SLC5A3: variants seen among roughly 807,000 people sequenced by gnomAD.
SLC5A3 encodes sodium/myo-inositol cotransporter.
In SLC5A3, 10 loss-of-function variants were observed where a neutral mutation model predicts 43.2. The observed-to-expected ratio is 0.23, with a 90% CI of 0.14 to 0.39. The LOEUF (loss-of-function observed/expected upper bound fraction) is 0.39, where lower values mean the gene tolerates loss of function less well. Ranked by LOEUF, SLC5A3 falls within the 10% of genes least tolerant of loss-of-function variation. The pLI, the probability that SLC5A3 is intolerant of heterozygous loss-of-function variation, is 1.00. For synonymous variants in SLC5A3, 349 were observed against 322.0 expected, an observed-to-expected ratio of 1.08 and a Z score of -0.90; for missense variants, 608 against 893.4, an observed-to-expected ratio of 0.68 and a Z score of 4.07.
intron 1 of SLC5A3, among the ~76,000 whole-genome samples, 181 bp downstream of exon 1, chr21:34,073,926 C>T (rs1390171460): frequency 2.1e-5 from 3 of 145,248 alleles, no homozygotes. Flanking sequence ...GCCGGCCGGG[C>T]CCGGCCGCGT....
chr21:34,093,046 G>A (rs933531145), intron 1 of SLC5A3, among the ~76,000 whole-genome samples: 2 of 152,044 alleles, frequency 1.3e-5, no homozygotes, highest in Admixed American at 6.6e-5. Flanking sequence ...AACATTTAAC[G>A]ATACCTTTTT....
At chr21:34,093,974 C>G (rs764367642) in intron 1 of SLC5A3, among the ~76,000 whole-genome samples, 12 of 152,172 alleles carry the variant, frequency 7.9e-5, no homozygotes, top group Non-Finnish European at 1.8e-4. Flanking sequence ...CCTCTTTTCT[C>G]TGCTTCTTAT....
chr21:34,101,261 T>G lies in SLC5A3; in HGVS notation c.*3906T>G. ...ATTAGATTTAGAGCTTGAAGCACCT[T>G]GGCTCTCAGCTACTTTAAACTCCTC... is the stretch of plus-strand genomic sequence containing the variant. On this transcript the variant is annotated 3_prime_UTR_variant, in exon 2 of 2. Coordinates refer to ENST00000381151, the MANE Select transcript of SLC5A3 (RefSeq NM_006933.7). 1 of 1,000,210 alleles carries G rather than the reference T, an allele frequency of 1.0e-6. No homozygotes were observed. The highest frequency in any genetic ancestry group is 1.2e-6 in the Non-Finnish European group (1 of 829,950). The allele number at this position is 1,000,210 out of a possible 1,614,324, so 62.0% of individuals were successfully genotyped here. A position where few individuals can be genotyped will look rare whatever the true frequency, so the allele number is the denominator to read the frequency against.
In SLC5A3 at chr21:34,095,448, T is replaced by C. The variant is rs73196582; in HGVS notation, c.250T>C (p.Phe84Leu). ...ASGFAVGAWE[F>L]NALLLLQLLG... ...TGGATTTGCAGTGGGCGCATGGGAATTCAATGCCTTACTGCTTTTACAACT... is the reference window on the plus strand; with the variant it reads ...TGGATTTGCAGTGGGCGCATGGGAACTCAATGCCTTACTGCTTTTACAACT... Residue 84 changes from phenylalanine to leucine, a missense_variant, in exon 2 of 2, where the codon TTC (phenylalanine) becomes CTC (leucine). By Grantham distance (22) the Phe-to-Leu change is conservative (BLOSUM62 0). This residue lies in a region of SLC5A3 where 398 missense variants were observed against 668.6 expected (regional missense o/e 0.60). Transcript: ENST00000381151. The C allele has an allele frequency of 6.2e-7, 1 of 1,614,134 alleles. No individual in the cohort carries two copies. Among genetic ancestry groups the C allele is most frequent in the Non-Finnish European group, 8.5e-7 (1 of 1,179,990 alleles).
At chr21:34,089,695 G>C (rs1978582065) in intron 1 of SLC5A3, among the ~76,000 whole-genome samples, 1 of 152,154 alleles carries the variant, frequency 6.6e-6, no homozygotes. Context: ...TAAAAGTAGA[G>C]CTGTTCTGGT....
At position 34,102,121 on chromosome 21, in the gene SLC5A3, C is replaced by A; in HGVS notation, c.*4766C>A. The A allele has an allele frequency of 1.0e-6, 1 of 1,000,110 alleles. No individual in the cohort carries two copies. The highest frequency in any genetic ancestry group is 1.2e-6 in the Non-Finnish European group (1 of 829,886). 62.0% of individuals were successfully genotyped at this position (1,000,110 alleles called of 1,614,324 possible). A position where few individuals can be genotyped will look rare whatever the true frequency, so the allele number is the denominator to read the frequency against. On this transcript the variant is annotated 3_prime_UTR_variant, in exon 2 of 2. Transcript: ENST00000381151. ...AAATCTTTTTCTTCTGTCAAGGTCA[C>A]TTAATATGGAATGTTTTTGTCAGAC...
At position 34,100,836 on chromosome 21, in the gene SLC5A3, A is replaced by G. The variant is rs1451147990; in HGVS notation, c.*3481A>G. On this transcript the variant is annotated 3_prime_UTR_variant, in exon 2 of 2. Coordinates refer to ENST00000381151, the MANE Select transcript of SLC5A3 (RefSeq NM_006933.7). ...TATCATTTGGTGTGGCCTGTGGGTT[A>G]TTTTCATTCTTTACCACCAAATAAA... The G allele has an allele frequency of 1.0e-6, 1 of 1,000,038 alleles. No homozygotes were observed. 61.9% of individuals were successfully genotyped at this position (1,000,038 alleles called of 1,614,324 possible). A position where few individuals can be genotyped will look rare whatever the true frequency, so the allele number is the denominator to read the frequency against.
rs369327327 is a variant in SLC5A3, at chr21:34,098,802, G to A, written c.*1447G>A. On this transcript the variant is annotated 3_prime_UTR_variant, in exon 2 of 2. Transcript: ENST00000381151. ...GTTAGAGAAAAGCTCTACAGATTACGTACTTCTGTGTCTTCGTATGCTCAA... is the reference window on the plus strand; with the variant it reads ...GTTAGAGAAAAGCTCTACAGATTACATACTTCTGTGTCTTCGTATGCTCAA... 1.7e-5 allele frequency: 17 copies of A among 999,586 alleles called. No homozygotes were observed. Among genetic ancestry groups the A allele is most frequent in the African/African-American group, 1.6e-4 (9 of 57,224 alleles). 61.9% of individuals were successfully genotyped at this position (999,586 alleles called of 1,614,324 possible). A position where few individuals can be genotyped will look rare whatever the true frequency, so the allele number is the denominator to read the frequency against.
At position 34,106,085 on chromosome 21, in the gene SLC5A3, G is replaced by C; in HGVS notation, c.*8730G>C. On this transcript the variant is annotated 3_prime_UTR_variant, in exon 2 of 2. Transcript: ENST00000381151. The stretch of plus-strand genomic sequence containing the variant: ...ATACACTGTTCTTTGTGTACTGTGT[G>C]TTATTTTGCCAGCTGCTGCATTAGC... The C allele has an allele frequency of 4.0e-6, 4 of 998,664 alleles. No individual in the cohort carries two copies. The highest frequency in any genetic ancestry group is 4.8e-6 in the Non-Finnish European group (4 of 828,524). 61.9% of individuals were successfully genotyped at this position (998,664 alleles called of 1,614,324 possible). A position where few individuals can be genotyped will look rare whatever the true frequency, so the allele number is the denominator to read the frequency against.
At chr21:34,079,790 C>A (rs538820815) in intron 1 of SLC5A3, among the ~76,000 whole-genome samples, 11 of 151,864 alleles carry the variant, frequency 7.2e-5, no homozygotes, top group African/African-American at 2.7e-4. Context: ...CCTTTTTTAA[C>A]AAGCTGACAA....
At chr21:34,085,130 G>T (rs1978324884) in intron 1 of SLC5A3, among the ~76,000 whole-genome samples, 1 of 152,176 alleles carries the variant, frequency 6.6e-6, no homozygotes, top group South Asian at 2.1e-4. Flanking sequence ...TTCAATCAAG[G>T]ATCATATATT....
In SLC5A3 at chr21:34,096,489, GAGA is replaced by G; in HGVS notation, c.1292_1294del (p.Glu431_Met432delinsVal). ...CATAGCATGGGTGCCAATCATCGTG[GAGA>G]TGCAAGGAGGCCAGATGTACCTTTA... On this transcript the variant is annotated inframe_deletion, in exon 2 of 2. Transcript: ENST00000381151. The surrounding 1 kb of genome is among the most constrained non-coding windows in gnomAD (Gnocchi z 5.9). The G allele has an allele frequency of 6.2e-7, 1 of 1,614,198 alleles. No homozygotes were observed. The highest frequency in any genetic ancestry group is 8.5e-7 in the Non-Finnish European group (1 of 1,180,026).
chr21:34,080,614 T>C (rs893955578), intron 1 of SLC5A3, among the ~76,000 whole-genome samples: 4 of 152,210 alleles, frequency 2.6e-5, no homozygotes, highest in South Asian at 2.1e-4. Context: ...GACTAATCTT[T>C]CCTTTGGTTG....
At position 34,101,288 on chromosome 21, in the gene SLC5A3, C is replaced by G; in HGVS notation, c.*3933C>G. ...GCTCTCAGCTACTTTAAACTCCTCC[C>G]CATATAAATCAGGGCACCAATAAAT... is the stretch of plus-strand genomic sequence containing the variant. On this transcript the variant is annotated 3_prime_UTR_variant, in exon 2 of 2. Coordinates refer to ENST00000381151, the MANE Select transcript of SLC5A3 (RefSeq NM_006933.7). 1.0e-6 allele frequency: 1 copy of G among 1,000,136 alleles called. No homozygotes were observed. Among genetic ancestry groups the G allele is most frequent in the Non-Finnish European group, 1.2e-6 (1 of 829,936 alleles). The allele number at this position is 1,000,136 out of a possible 1,614,324, so 62.0% of individuals were successfully genotyped here.
chr21:34,094,046 T>C (rs1978849069), intron 1 of SLC5A3, among the ~76,000 whole-genome samples: 1 of 152,226 alleles, frequency 6.6e-6, no homozygotes, highest in Non-Finnish European at 1.5e-5. Flanking sequence ...AGTGCCGTTA[T>C]CCTCTCAGAG....
chr21:34,101,442 A>G lies in SLC5A3; in HGVS notation c.*4087A>G, dbSNP rs908214334. ...GTATTTGTAAGATTTTGCATTAGCCAGATGCTAGGTTGTTGAAGGCATTTC... is the reference window on the plus strand; with the variant it reads ...GTATTTGTAAGATTTTGCATTAGCCGGATGCTAGGTTGTTGAAGGCATTTC... On this transcript the variant is annotated 3_prime_UTR_variant, in exon 2 of 2. Coordinates refer to ENST00000381151, the MANE Select transcript of SLC5A3 (RefSeq NM_006933.7). 1 of 1,000,068 alleles carries G rather than the reference A, an allele frequency of 1.0e-6. No individual in the cohort carries two copies. Among genetic ancestry groups the G allele is most frequent in the African/African-American group, 1.7e-5 (1 of 57,262 alleles). The allele number at this position is 1,000,068 out of a possible 1,614,324, so 61.9% of individuals were successfully genotyped here.
Position 34,095,093 on chromosome 21 carries a change from G to A in SLC5A3, c.-106G>A. Reference sequence around the variant, plus strand: ...CTTTGACCCTGCTGTGTTGCTCTGTGTAGTCCAGTTCACGTATGGTTTACA... The same window carrying A: ...CTTTGACCCTGCTGTGTTGCTCTGTATAGTCCAGTTCACGTATGGTTTACA... On this transcript the variant is annotated 5_prime_UTR_variant, in exon 2 of 2. Transcript: ENST00000381151. 1.4e-6 allele frequency: 2 copies of A among 1,448,538 alleles called. No individual in the cohort carries two copies. Among genetic ancestry groups the A allele is most frequent in the East Asian group, 2.3e-5 (1 of 43,668 alleles). 89.7% of individuals were successfully genotyped at this position (1,448,538 alleles called of 1,614,324 possible). A position where few individuals can be genotyped will look rare whatever the true frequency, so the allele number is the denominator to read the frequency against.
Position 34,096,965 on chromosome 21 carries a change from G to A in SLC5A3, c.1767G>A (p.Gly589=), listed in dbSNP as rs1978992421. The A allele has an allele frequency of 6.2e-7, 1 of 1,614,116 alleles. No individual in the cohort carries two copies. Among genetic ancestry groups the A allele is most frequent in the Non-Finnish European group, 8.5e-7 (1 of 1,179,994 alleles). Residue 589 remains glycine (G), a synonymous_variant, in exon 2 of 2, where the codon GGG becomes GGA. Coordinates refer to ENST00000381151, the MANE Select transcript of SLC5A3 (RefSeq NM_006933.7). The surrounding 1 kb of genome is among the most constrained non-coding windows in gnomAD (Gnocchi z 5.9). ...CCATCAACCACATCATTCCCAACGGGAAATCTGAAGACAGCATTAAGGGCC... is the reference window on the plus strand; with the variant it reads ...CCATCAACCACATCATTCCCAACGGAAAATCTGAAGACAGCATTAAGGGCC... The part of the protein sequence containing the change: ...NETINHIIPN[G]KSEDSIKGLQ...
intron 1 of SLC5A3, among the ~76,000 whole-genome samples, chr21:34,087,268 C>A (rs985491173): frequency 0.014 from 3 of 214 alleles, no homozygotes; most frequent in Non-Finnish European, 0.033. Flanking sequence ...CTCTTTTTCC[C>A]TTTAGCCTCT....
Sources: gnomAD v4.1 joint callset for allele counts (sites outside exome capture counted in the v4.1 genomes callset) on GRCh38, gnomAD v4.1.1 for gene constraint, gnomAD v4.1.1 regional missense constraint, Gnocchi (gnomAD v3.1) non-coding constraint, MANE v1.5 for transcripts, NCBI Gene and HGNC (gene_info 2026-07-23, HGNC 2026-07-21) for gene names.